The following PDE1C variants were observed in gnomAD, a reference collection of about 807,000 sequenced individuals.
PDE1C encodes the protein phosphodiesterase 1C.
PDE1C carries 62 observed loss-of-function variants against 93.1 expected under a neutral mutation model. The ratio of observed to expected loss-of-function variants is 0.67; its 90% confidence interval spans 0.54 to 0.82. The LOEUF is 0.82. PDE1C is among the 40% of genes least tolerant of loss of function. The pLI, the probability that PDE1C is intolerant of heterozygous loss-of-function variation, is 0.00. For missense variants in PDE1C, 742 were observed against 884.6 expected (o/e 0.84, Z 2.04); for synonymous variants, 325 against 310.1 (o/e 1.05, Z -0.50).
intron 1 of PDE1C, among the ~76,000 whole-genome samples, chr7:32,374,217 AGG>A (rs1230031575): frequency 4.6e-4 from 66 of 144,756 alleles, no homozygotes; most frequent in African/African-American, 1.6e-3. Flanking sequence ...AGGGAAAGAA[AGG>A]GAAAGAAAGA....
chr7:32,132,371 C>T (rs1361471533), intron 3 of PDE1C, among the ~76,000 whole-genome samples: 2 of 152,098 alleles, frequency 1.3e-5, no homozygotes, highest in East Asian at 1.9e-4. Context: ...TGACTTTTAT[C>T]ATATCGGTTA....
intron 7 of PDE1C, among the ~76,000 whole-genome samples, chr7:31,852,183 G>A (rs1378834412): frequency 6.6e-6 from 1 of 152,066 alleles, no homozygotes; most frequent in Non-Finnish European, 1.5e-5. Flanking sequence ...ATTGGTAAGG[G>A]GAAAATAAAC....
intron 3 of PDE1C, among the ~76,000 whole-genome samples, chr7:32,087,902 A>G (rs1209026656): frequency 6.6e-6 from 1 of 151,946 alleles, no homozygotes. Flanking sequence ...CCTAATGCTA[A>G]ATGACGAGTT....
At chr7:31,890,068 G>A (rs539241289) in intron 2 of PDE1C, among the ~76,000 whole-genome samples, 341 of 152,204 alleles carry the variant, frequency 2.2e-3, no homozygotes, top group Non-Finnish European at 4.0e-3. Context: ...GTTTGTAGGC[G>A]AGCAGACCTT....
chr7:32,069,170 G>A (rs1263285320), intron 1 of PDE1C, among the ~76,000 whole-genome samples: 2 of 152,112 alleles, frequency 1.3e-5, no homozygotes, highest in African/African-American at 4.8e-5. Context: ...TGTCAATAAG[G>A]ACCCCTTAAA....
chr7:32,406,411 C>T (rs951842027), intron 1 of PDE1C, among the ~76,000 whole-genome samples: 3 of 151,800 alleles, frequency 2.0e-5, no homozygotes, highest in Non-Finnish European at 4.4e-5. Flanking sequence ...TCCCAGATGC[C>T]ACTGATGACT....
chr7:32,339,037 C>G (rs1783689737), intron 1 of PDE1C, among the ~76,000 whole-genome samples: 1 of 146,232 alleles, frequency 6.8e-6, no homozygotes, highest in African/African-American at 2.5e-5. Flanking sequence ...CACACACACA[C>G]ACACACACAC....
At position 32,023,764 on chromosome 7, in the gene PDE1C, G is replaced by A. The variant is rs1789034034; in HGVS notation, c.128+27790C>T. The stretch of plus-strand genomic sequence containing the variant: ...CAGTTGTCAAGGCTTAGGGATGGAG[G>A]AGAGGGGATGGGTGTGGCCATAAAA... On this transcript the variant is annotated intron_variant, in intron 2 of 17. Coordinates refer to ENST00000396191, the MANE Select transcript of PDE1C (RefSeq NM_001191057.4). 2.0e-5 allele frequency among the ~76,000 whole-genome samples: 3 copies of A among 152,104 alleles called. 1 individual carries two copies. In the South Asian group the frequency reaches 6.2e-4, roughly 31 times the overall value.
At chr7:32,005,341 T>C (rs1362059220) in intron 2 of PDE1C, among the ~76,000 whole-genome samples, 2 of 151,834 alleles carry the variant, frequency 1.3e-5, no homozygotes, top group Non-Finnish European at 2.9e-5. Context: ...CAGATCATGA[T>C]GTCAGGAGAT....
chr7:31,820,192 A>G (rs906603664), intron 14 of PDE1C, among the ~76,000 whole-genome samples: 1 of 152,114 alleles, frequency 6.6e-6, no homozygotes, highest in African/African-American at 2.4e-5. Flanking sequence ...TTTGTCGGCA[A>G]AATTTTTACT....
At chr7:31,783,629 C>A (rs765487448) in intron 16 of PDE1C, 1 of 151,798 alleles carries the variant, frequency 6.6e-6, no homozygotes, top group Non-Finnish European at 1.5e-5. Flanking sequence ...GACTGTCAGG[C>A]TCATCTGTGC....
chr7:32,189,440 T>A (rs1021188145), intron 2 of PDE1C, among the ~76,000 whole-genome samples: 8 of 152,202 alleles, frequency 5.3e-5, no homozygotes, highest in African/African-American at 9.6e-5. Flanking sequence ...TAAGTGAAAA[T>A]TTTTTAATGC....
chr7:32,108,006 T>C (rs1798422916), intron 3 of PDE1C, among the ~76,000 whole-genome samples: 1 of 151,334 alleles, frequency 6.6e-6, no homozygotes, highest in Non-Finnish European at 1.5e-5. Flanking sequence ...ATAATTAATA[T>C]ACTAAGATAA....
At chr7:32,090,398 C>G (rs1245948449) in intron 3 of PDE1C, among the ~76,000 whole-genome samples, 2 of 152,180 alleles carry the variant, frequency 1.3e-5, no homozygotes, top group Admixed American at 1.3e-4. Flanking sequence ...TACATGGGAG[C>G]AAGCCTCTAA....
the PDE1C span, chr7:31,643,170 T>C: frequency 2.5e-6 from 4 of 1,613,832 alleles, no homozygotes. Flanking sequence ...AAAGGTCACC[T>C]GGAAATGATC....
At chr7:31,830,346 C>T (rs1427962888) in intron 11 of PDE1C, among the ~76,000 whole-genome samples, 1 of 152,060 alleles carries the variant, frequency 6.6e-6, no homozygotes, top group African/African-American at 2.4e-5. Flanking sequence ...TCAACATTTT[C>T]AAAAGAGGGC....
intron 2 of PDE1C, among the ~76,000 whole-genome samples, chr7:32,200,043 C>T (rs996772038): frequency 9.9e-5 from 15 of 152,188 alleles, no homozygotes; most frequent in Admixed American, 2.6e-4. Context: ...TCCCATTACG[C>T]ATACACAAAT....
At chr7:32,386,950 A>G (rs1784639602) in intron 1 of PDE1C, among the ~76,000 whole-genome samples, 1 of 150,886 alleles carries the variant, frequency 6.6e-6, no homozygotes, top group African/African-American at 2.4e-5. Flanking sequence ...TCATAGGACA[A>G]TAGTGGAGGG....
At chr7:31,827,402 C>T (rs1411433572) in intron 12 of PDE1C, among the ~76,000 whole-genome samples, 5 of 152,126 alleles carry the variant, frequency 3.3e-5, no homozygotes, top group African/African-American at 4.8e-5. Flanking sequence ...TGTACCTTAT[C>T]GTACTAGGTA....
Sources: gnomAD v4.1 joint callset for allele counts (sites outside exome capture counted in the v4.1 genomes callset) on GRCh38, gnomAD v4.1.1 for gene constraint, MANE v1.5 for transcripts, NCBI Gene and HGNC (gene_info 2026-07-23, HGNC 2026-07-21) for gene names.